The following DAAM2 variants were observed in gnomAD, a reference collection of about 807,000 sequenced individuals.
DAAM2 encodes the protein dishevelled associated activator of morphogenesis 2.
In DAAM2, 39 loss-of-function variants were observed where a neutral mutation model predicts 120.7. That is an observed-to-expected ratio of 0.32 (90% CI 0.25 to 0.42). DAAM2 has a LOEUF of 0.42. Among genes scored for constraint, DAAM2 ranks in the 10% least tolerant of loss-of-function variants. DAAM2 has a pLI of 1.00. For missense variants in DAAM2, 1,283 were observed against 1,401.7 expected, an observed-to-expected ratio of 0.92 and a Z score of 1.35; for synonymous variants, 488 against 524.9, an observed-to-expected ratio of 0.93 and a Z score of 0.96.
Position 39,891,710 on chromosome 6 carries a change from C to G in DAAM2, c.2329C>G (p.Pro777Ala). Residue 777 changes from proline to alanine, a missense_variant, in exon 19 of 25, where the codon CCC (proline) becomes GCC (alanine). Physicochemically the swap from Pro to Ala is conservative, Grantham distance 27. Around this residue, in one of 3 missense-constraint regions of DAAM2, gnomAD observed 748 missense variants for 768.6 expected, o/e 0.97. Coordinates refer to ENST00000274867, the MANE Select transcript of DAAM2 (RefSeq NM_001201427.2). ...CCAGGAGCGGCTGGCTGAGGCAAAGCCCAAAGTGGAAGGTAGGGCTGAGGG... is the reference window on the plus strand; with the variant it reads ...CCAGGAGCGGCTGGCTGAGGCAAAGGCCAAAGTGGAAGGTAGGGCTGAGGG... ...KFQERLAEAK[P>A]KVEAILLASR... 1.2e-6 allele frequency: 2 copies of G among 1,602,844 alleles called. No individual in the cohort carries two copies. Among genetic ancestry groups the G allele is most frequent in the Non-Finnish European group, 1.7e-6 (2 of 1,174,752 alleles).
In DAAM2 at chr6:39,901,837, C is replaced by T. The variant is rs767614224; in HGVS notation, c.3007C>T (p.Arg1003Trp). ...GCTGAAGGAGCAGAGGGAACGTGAG[C>T]GGTGGCAGCGGCAGCGGAAGGTCCT... ...AMLKEQRERE[R>W]WQRQRKVLAA... Residue 1003 changes from arginine to tryptophan, a missense_variant, in exon 25 of 25, where the codon CGG becomes TGG. Around this residue, in one of 3 missense-constraint regions of DAAM2, gnomAD observed 748 missense variants for 768.6 expected, o/e 0.97. Transcript: ENST00000274867. This position sits in a 1 kb window ranked among gnomAD's most constrained non-coding sequence, Gnocchi z 4.5. 70 of 1,558,932 alleles carry T rather than the reference C, an allele frequency of 4.5e-5. No homozygotes were observed. Among genetic ancestry groups the T allele is most frequent in the South Asian group, 1.7e-4 (14 of 83,692 alleles).
At chr6:39,809,586 AT>A (rs1395934690) in intron 1 of DAAM2, among the ~76,000 whole-genome samples, 21 of 152,196 alleles carry the variant, frequency 1.4e-4, no homozygotes, top group Non-Finnish European at 2.8e-4. Context: ...GGTTAAAGAA[AT>A]TTAAGTAGCC....
At chr6:39,880,380 A>C (rs1765064993) in intron 14 of DAAM2, among the ~76,000 whole-genome samples, 1 of 152,252 alleles carries the variant, frequency 6.6e-6, no homozygotes, top group South Asian at 2.1e-4. Flanking sequence ...CAAGATTGCT[A>C]AGTAGGTGGT....
At chr6:39,855,248 G>A (rs1763954284) in intron 1 of DAAM2, among the ~76,000 whole-genome samples, 1 of 152,166 alleles carries the variant, frequency 6.6e-6, no homozygotes, top group South Asian at 2.1e-4. Flanking sequence ...GGAGGCATGT[G>A]TACTGGTTGT....
intron 15 of DAAM2, chr6:39,886,266 T>C: frequency 2.5e-6 from 1 of 396,780 alleles, no homozygotes; most frequent in Non-Finnish European, 4.4e-6. Flanking sequence ...GTGCCACTTA[T>C]GGGTGCCTGT....
chr6:39,902,080 G>T lies in DAAM2; in HGVS notation c.*43G>T. 1 of 1,521,790 alleles carries T rather than the reference G, an allele frequency of 6.6e-7. No homozygotes were observed. The highest frequency in any genetic ancestry group is 9.0e-7 in the Non-Finnish European group (1 of 1,111,874). The allele number at this position is 1,521,790 out of a possible 1,614,324, so 94.3% of individuals were successfully genotyped here. On this transcript the variant is annotated 3_prime_UTR_variant, in exon 25 of 25. Transcript: ENST00000274867. ...ACAGGAGGCCGGGAGACAGGGACTG[G>T]TGAGAATGGGGCTGAGTGGAGGAGG...
At chr6:39,876,915 A>C (rs1222779568) in intron 11 of DAAM2, among the ~76,000 whole-genome samples, 2 of 152,196 alleles carry the variant, frequency 1.3e-5, no homozygotes, top group Non-Finnish European at 2.9e-5. Context: ...TGATAAGATA[A>C]TTTAGTAAAC....
At chr6:39,843,277 A>G (rs1342610684) in intron 1 of DAAM2, among the ~76,000 whole-genome samples, 1 of 152,150 alleles carries the variant, frequency 6.6e-6, no homozygotes, top group Non-Finnish European at 1.5e-5. Flanking sequence ...TGAGTGGGAC[A>G]ACATGGTCGG....
At chr6:39,882,588 G>T (rs1395871466) in intron 14 of DAAM2, among the ~76,000 whole-genome samples, 1 of 151,896 alleles carries the variant, frequency 6.6e-6, no homozygotes, top group Non-Finnish European at 1.5e-5. Context: ...AGCCAGCGCC[G>T]TCCCTGCCTT....
At chr6:39,899,856 A>G (rs1766364175) in intron 22 of DAAM2, 1 of 441,046 alleles carries the variant, frequency 2.3e-6, no homozygotes, top group African/African-American at 2.0e-5. Context: ...GCCCCAGGTC[A>G]CATGTTGGGT....
At chr6:39,809,497 A>G (rs1363882868) in intron 1 of DAAM2, among the ~76,000 whole-genome samples, 1 of 152,140 alleles carries the variant, frequency 6.6e-6, no homozygotes, top group Non-Finnish European at 1.5e-5. Flanking sequence ...GAGGTCATCT[A>G]TTGTAGCATT....
At chr6:39,868,760 C>A in intron 6 of DAAM2, 63 bp from the exon 7 acceptor site, 1 of 1,251,090 alleles carries the variant, frequency 8.0e-7, no homozygotes, top group Non-Finnish European at 1.1e-6. Flanking sequence ...AGTAAAGATG[C>A]AAAGGCCACA....
chr6:39,882,719 GCACACACACACACATA>G (rs1765182521), intron 14 of DAAM2, among the ~76,000 whole-genome samples: 1 of 87,740 alleles, frequency 1.1e-5, no homozygotes, highest in African/African-American at 4.0e-5. Context: ...ACACACACAC[GCACACACACACACATA>G]CACACACTCA....
At chr6:39,796,930 T>C (rs140698415) in intron 1 of DAAM2, among the ~76,000 whole-genome samples, 1 of 152,324 alleles carries the variant, frequency 6.6e-6, no homozygotes, top group East Asian at 1.9e-4. Flanking sequence ...AAAATGTTAA[T>C]GCCATTCCCC....
chr6:39,864,896 G>C (rs1010407216), intron 4 of DAAM2, 84 bp from the exon 5 acceptor site: 2 of 1,521,132 alleles, frequency 1.3e-6, no homozygotes, highest in African/African-American at 2.8e-5. Flanking sequence ...CCTTTCTGAG[G>C]CAAGCATGGC....
intron 2 of DAAM2, among the ~76,000 whole-genome samples, chr6:39,858,322 T>C (rs1033668253): frequency 2.0e-5 from 3 of 152,144 alleles, no homozygotes; most frequent in Middle Eastern, 3.2e-3. Context: ...TTTGGAGGCT[T>C]TTGCCTCCTA....
At chr6:39,816,182 T>C (rs567832382) in intron 1 of DAAM2, among the ~76,000 whole-genome samples, 1 of 152,340 alleles carries the variant, frequency 6.6e-6, no homozygotes, top group South Asian at 2.1e-4. Context: ...GATCCAGGAG[T>C]CTGGGGCAGA....
At chr6:39,845,732 C>T (rs1234977881) in intron 1 of DAAM2, among the ~76,000 whole-genome samples, 1 of 151,914 alleles carries the variant, frequency 6.6e-6, no homozygotes, top group Admixed American at 6.6e-5. Context: ...CCTCCTGGAC[C>T]CCACTCAATC....
chr6:39,818,172 G>C (rs904911129), intron 1 of DAAM2, among the ~76,000 whole-genome samples: 4 of 126,454 alleles, frequency 3.2e-5, no homozygotes, highest in Non-Finnish European at 4.7e-5. Context: ...GAGTGAAACT[G>C]CATCTCAATT....
Sources: allele counts gnomAD v4.1 joint callset (sites outside exome capture counted in the v4.1 genomes callset), GRCh38; gene constraint gnomAD v4.1.1; regional missense constraint gnomAD v4.1.1; non-coding constraint Gnocchi (gnomAD v3.1); transcripts MANE v1.5; gene names NCBI Gene and HGNC (gene_info 2026-07-23, HGNC 2026-07-21).